ZNF804A: variants seen among roughly 807,000 people sequenced by gnomAD.
ZNF804A encodes the protein zinc finger protein 804A.
Under a neutral mutation model 16.5 loss-of-function variants are expected in ZNF804A, and 2 were observed. The observed-to-expected ratio is 0.12, with a 90% confidence interval of 0.05 to 0.38. ZNF804A has a LOEUF of 0.38. ZNF804A is among the 10% of genes least tolerant of loss of function. ZNF804A has a pLI of 0.99. For synonymous variants in ZNF804A, 534 were observed against 489.6 expected, an observed-to-expected ratio of 1.09 and a Z score of -1.20; for missense variants, 1,473 against 1,390.7, an observed-to-expected ratio of 1.06 and a Z score of -0.94.
chr2:184,655,429 G>A (rs1373540048), intron 1 of ZNF804A, among the ~76,000 whole-genome samples: 11 of 152,160 alleles, frequency 7.2e-5, no homozygotes, highest in Admixed American at 2.6e-4. Context: ...CTGAATTTTT[G>A]TGTTAGCTGG....
chr2:184,752,207 T>C (rs1693886691), intron 1 of ZNF804A, among the ~76,000 whole-genome samples: 1 of 151,686 alleles, frequency 6.6e-6, no homozygotes, highest in Non-Finnish European at 1.5e-5. Flanking sequence ...GTATTCACAA[T>C]AGCGAAGTCA....
intron 1 of ZNF804A, among the ~76,000 whole-genome samples, chr2:184,726,083 G>A (rs1228426100): frequency 6.6e-6 from 1 of 151,586 alleles, no homozygotes; most frequent in Admixed American, 6.6e-5. Context: ...CAAATGAAAC[G>A]GCTATGAACA....
intron 1 of ZNF804A, among the ~76,000 whole-genome samples, chr2:184,790,273 A>G (rs1483330226): frequency 6.7e-6 from 1 of 150,208 alleles, no homozygotes; most frequent in Non-Finnish European, 1.5e-5. Context: ...CATATGGTCG[A>G]TTTTGGAGAA....
intron 1 of ZNF804A, among the ~76,000 whole-genome samples, chr2:184,780,556 C>G (rs923683998): frequency 1.1e-4 from 17 of 151,544 alleles, no homozygotes; most frequent in African/African-American, 3.9e-4. Context: ...GAGGGAGGTA[C>G]ATGAAATGAA....
At chr2:184,896,078 T>C (rs1420208491) in intron 2 of ZNF804A, among the ~76,000 whole-genome samples, 2 of 151,822 alleles carry the variant, frequency 1.3e-5, no homozygotes, top group Non-Finnish European at 2.9e-5. Flanking sequence ...TTGCCACGTG[T>C]TTTTTTTCTG....
At chr2:184,850,771 CA>C (rs1419779672) in intron 1 of ZNF804A, among the ~76,000 whole-genome samples, 4 of 151,654 alleles carry the variant, frequency 2.6e-5, no homozygotes, top group African/African-American at 4.8e-5. Flanking sequence ...TGTTATTTTT[CA>C]ACATTTAAAA....
chr2:184,752,804 G>T (rs1021893299), intron 1 of ZNF804A, among the ~76,000 whole-genome samples: 13 of 151,470 alleles, frequency 8.6e-5, no homozygotes, highest in African/African-American at 1.9e-4. Flanking sequence ...AATAGGAAAA[G>T]GATCTGAACA....
intron 2 of ZNF804A, among the ~76,000 whole-genome samples, chr2:184,930,404 A>G (rs1574275455): frequency 6.6e-6 from 1 of 152,220 alleles, no homozygotes; most frequent in African/African-American, 2.4e-5. Flanking sequence ...TCTTTCATCT[A>G]AATTCTACTC....
At chr2:184,822,675 G>A (rs1366809578) in intron 1 of ZNF804A, among the ~76,000 whole-genome samples, 2 of 152,014 alleles carry the variant, frequency 1.3e-5, no homozygotes, top group African/African-American at 4.8e-5. Context: ...TAAAAGGTAG[G>A]ATAGAACTTT....
intron 1 of ZNF804A, among the ~76,000 whole-genome samples, chr2:184,816,586 T>A (rs1362707351): frequency 6.6e-6 from 1 of 152,024 alleles, no homozygotes; most frequent in African/African-American, 2.4e-5. Context: ...TAGAATTTGA[T>A]CTTTAGAACT....
intron 1 of ZNF804A, among the ~76,000 whole-genome samples, chr2:184,692,770 A>G (rs1255811399): frequency 6.6e-6 from 1 of 152,210 alleles, no homozygotes; most frequent in East Asian, 1.9e-4. Context: ...AGATTTACCA[A>G]TATCATCGTA....
intron 2 of ZNF804A, among the ~76,000 whole-genome samples, chr2:184,906,287 A>T (rs1235821947): frequency 6.6e-6 from 1 of 151,896 alleles, no homozygotes; most frequent in Non-Finnish European, 1.5e-5. Context: ...ATGCATTTCC[A>T]TTTCTTTTTT....
chr2:184,918,180 T>G (rs1685479912), intron 2 of ZNF804A, among the ~76,000 whole-genome samples: 1 of 152,106 alleles, frequency 6.6e-6, no homozygotes, highest in Non-Finnish European at 1.5e-5. Context: ...GTAATCAAAA[T>G]CAATCACCTC....
intron 1 of ZNF804A, among the ~76,000 whole-genome samples, chr2:184,751,120 A>C (rs1693870977): frequency 6.6e-6 from 1 of 151,518 alleles, no homozygotes; most frequent in South Asian, 2.1e-4. Flanking sequence ...TGCTGTGAAT[A>C]ATGCTACAAT....
intron 1 of ZNF804A, among the ~76,000 whole-genome samples, chr2:184,833,871 T>A (rs1019246154): frequency 6.6e-6 from 1 of 152,050 alleles, no homozygotes; most frequent in South Asian, 2.1e-4. Context: ...ACCACAGAAC[T>A]TAGAGTATAA....
chr2:184,736,858 C>T (rs1418085157), intron 1 of ZNF804A, among the ~76,000 whole-genome samples: 20 of 131,126 alleles, frequency 1.5e-4, no homozygotes, highest in Middle Eastern at 3.8e-3. Context: ...CGTATTTCTT[C>T]TTTTTTTTTT....
intron 1 of ZNF804A, among the ~76,000 whole-genome samples, chr2:184,608,147 G>A (rs1174235651): frequency 1.3e-5 from 2 of 151,092 alleles, no homozygotes; most frequent in African/African-American, 2.4e-5. Context: ...GGGTTTCACC[G>A]TTTTAGCCGG....
In ZNF804A at chr2:184,690,721, G is replaced by A. The variant is rs76396036; in HGVS notation, c.111+91651G>A. Reference sequence around the variant, plus strand: ...TTTGCACCTAATCTTCAGTGAAGACGCATTGATCGTAATGTTTTCACCAAA... The same window carrying A: ...TTTGCACCTAATCTTCAGTGAAGACACATTGATCGTAATGTTTTCACCAAA... On this transcript the variant is annotated intron_variant, in intron 1 of 3. Coordinates refer to ENST00000302277, the MANE Select transcript of ZNF804A (RefSeq NM_194250.2). Among the ~76,000 whole-genome samples the A allele has an allele frequency of 7.1e-3, 1,081 of 152,062 alleles. 6 individuals are homozygous for A. The highest frequency in any genetic ancestry group is 0.012 in the Non-Finnish European group (782 of 67,862).
At chr2:184,708,015 G>T (rs1693060016) in intron 1 of ZNF804A, among the ~76,000 whole-genome samples, 2 of 151,950 alleles carry the variant, frequency 1.3e-5, no homozygotes, top group South Asian at 2.1e-4. Flanking sequence ...TTGTGGCTTT[G>T]ACTTGCATTT....
Sources: allele counts gnomAD v4.1 joint callset (sites outside exome capture counted in the v4.1 genomes callset), GRCh38; gene constraint gnomAD v4.1.1; transcripts MANE v1.5; gene names NCBI Gene and HGNC (gene_info 2026-07-23, HGNC 2026-07-21).